The following PCDHGB3 variants were observed in gnomAD, a reference collection of about 807,000 sequenced individuals.
PCDHGB3 encodes protocadherin gamma subfamily B, 3.
PCDHGB3 carries 40 observed loss-of-function variants against 59.2 expected under a neutral mutation model. The ratio of observed to expected loss-of-function variants is 0.68; its 90% CI spans 0.52 to 0.88. The LOEUF is 0.88. Ranked by LOEUF, PCDHGB3 falls within the 40% of genes least tolerant of loss-of-function variation. The probability of loss-of-function intolerance (pLI) is 0.00; values close to 1 mark genes in which losing one functional copy is unlikely to be tolerated. For synonymous variants in PCDHGB3, 581 were observed against 503.6 expected, an observed-to-expected ratio of 1.15 and a Z score of -2.06; for missense variants, 1,309 against 1,187.9, an observed-to-expected ratio of 1.10 and a Z score of -1.50.
At chr5:141,403,949 G>C (rs1167033357) in intron 1 of PCDHGB3, 2 of 1,613,886 alleles carry the variant, frequency 1.2e-6, no homozygotes, top group Non-Finnish European at 1.7e-6. Flanking sequence ...GTGGACAAAA[G>C]TGCTCATTTC....
At chr5:141,373,705 A>G (rs1023574849) in intron 1 of PCDHGB3, among the ~76,000 whole-genome samples, 2 of 152,224 alleles carry the variant, frequency 1.3e-5, no homozygotes, top group African/African-American at 4.8e-5. Flanking sequence ...AAATTATTCA[A>G]AATAATCTCT....
rs1562063782 is a variant in PCDHGB3, at chr5:141,477,676, A to G, written c.2416-17131A>G. ...TAAATCGTGACAATGGCATAGTGTC[A>G]TCCTTAGTGCCCCTAGACTATGAGG... On this transcript the variant is annotated intron_variant, in intron 1 of 3. Coordinates refer to ENST00000576222, the MANE Select transcript of PCDHGB3 (RefSeq NM_018924.5). This position sits in a 1 kb window ranked among gnomAD's most constrained non-coding sequence, Gnocchi z 4.9. The G allele has an allele frequency of 1.2e-6, 2 of 1,614,194 alleles. No homozygotes were observed. The highest frequency in any genetic ancestry group is 1.7e-6 in the Non-Finnish European group (2 of 1,180,046).
chr5:141,409,007 C>T, intron 1 of PCDHGB3: 1 of 1,613,932 alleles, frequency 6.2e-7, no homozygotes, highest in Non-Finnish European at 8.5e-7. Context: ...AGCCACTGAC[C>T]AGGATGAGGG....
chr5:141,393,789 G>T (rs889575374), intron 1 of PCDHGB3: 1 of 1,613,958 alleles, frequency 6.2e-7, no homozygotes, highest in African/African-American at 1.3e-5. Context: ...AGATGTGGGG[G>T]CACTTCTGGG....
At position 141,372,855 on chromosome 5, in the gene PCDHGB3, A is replaced by T; in HGVS notation, c.2415+46A>T. 7 of 1,456,148 alleles carry T rather than the reference A, an allele frequency of 4.8e-6. No homozygotes were observed. The South Asian group carries it at 6.7e-5, about 14-fold the overall frequency. 90.2% of individuals were successfully genotyped at this position (1,456,148 alleles called of 1,614,324 possible). On this transcript the variant is annotated intron_variant, in intron 1 of 3. Transcript: ENST00000576222. ...CCTTCCATAAATATAATTGGGTTTC[A>T]ATTCATTGATTTAGAGATAAAAAGA...
chr5:141,403,544 C>A (rs1300060255), intron 1 of PCDHGB3: 2 of 1,613,970 alleles, frequency 1.2e-6, no homozygotes, highest in South Asian at 1.1e-5. Flanking sequence ...GGTGCTGGAG[C>A]GCGCCCTGGA....
Position 141,392,778 on chromosome 5 carries a change from G to A in PCDHGB3, c.2415+19969G>A, listed in dbSNP as rs375878103. ...ACTAAATAAGACCCATTTATGCACA[G>A]TGAAGATTCTGAGAGGATTCTGCAG... On this transcript the variant is annotated intron_variant, in intron 1 of 3. Coordinates refer to ENST00000576222, the MANE Select transcript of PCDHGB3 (RefSeq NM_018924.5). 5 of 1,533,872 alleles carry A rather than the reference G, an allele frequency of 3.3e-6. No homozygotes were observed. The African/African-American group carries it at 6.9e-5, about 21-fold the overall frequency.
Position 141,390,485 on chromosome 5 carries a change from T to G in PCDHGB3, c.2415+17676T>G, listed in dbSNP as rs919971230. On this transcript the variant is annotated intron_variant, in intron 1 of 3. Transcript: ENST00000576222. The stretch of plus-strand genomic sequence containing the variant: ...GCAATTGTGTGGCCCAACATTTGTT[T>G]GTTTTTTAGCCAAGCTTAGATTTAT... The G allele has an allele frequency of 1.4e-5, 9 of 656,166 alleles. No homozygotes were observed. The African/African-American group carries it at 1.5e-4, about 11-fold the overall frequency. The allele number at this position is 656,166 out of a possible 1,614,324, so 40.6% of individuals were successfully genotyped here.
chr5:141,418,890 G>C (rs1449142412), intron 1 of PCDHGB3: 1 of 1,613,934 alleles, frequency 6.2e-7, no homozygotes, highest in South Asian at 1.1e-5. Context: ...AACGACAACA[G>C]CCCAGAAATA....
chr5:141,428,043 A>C (rs765740380), intron 1 of PCDHGB3: 1 of 1,608,722 alleles, frequency 6.2e-7, no homozygotes, highest in South Asian at 1.1e-5. Context: ...CTACCTGGTG[A>C]CCAAGGTGGT....
Position 141,409,702 on chromosome 5 carries a change from G to A in PCDHGB3, c.2415+36893G>A, listed in dbSNP as rs545411022. The A allele has an allele frequency of 2.0e-5, 32 of 1,613,226 alleles. No homozygotes were observed. In the South Asian group the frequency reaches 3.0e-4, roughly 15 times the overall value. On this transcript the variant is annotated intron_variant, in intron 1 of 3. Transcript: ENST00000576222. ...TGGCGAGTGACCTAGAGCCCCTGGC[G>A]GTGTCGTCATACGTGTCAGTGAGCG...
intron 1 of PCDHGB3, chr5:141,389,189 C>CATCA: frequency 6.2e-7 from 1 of 1,614,032 alleles, no homozygotes; most frequent in Non-Finnish European, 8.5e-7. Context: ...CCAGTTCCAG[C>CATCA]ATCACCCTGC....
At chr5:141,413,870 T>A (rs2095687151) in intron 1 of PCDHGB3, 1 of 1,613,268 alleles carries the variant, frequency 6.2e-7, no homozygotes, top group Admixed American at 1.7e-5. Context: ...ACTGTCCTTG[T>A]CAGTGTGACT....
chr5:141,493,289 C>T lies in PCDHGB3; in HGVS notation c.2416-1518C>T, dbSNP rs925045650. 2.6e-5 allele frequency among the ~76,000 whole-genome samples: 4 copies of T among 152,176 alleles called. No individual in the cohort carries two copies. Among genetic ancestry groups the T allele is most frequent in the Non-Finnish European group, 5.9e-5 (4 of 68,030 alleles). On this transcript the variant is annotated intron_variant, in intron 1 of 3. Coordinates refer to ENST00000576222, the MANE Select transcript of PCDHGB3 (RefSeq NM_018924.5). The surrounding 1 kb of genome is among the most constrained non-coding windows in gnomAD (Gnocchi z 4.3). ...CTTCACAGAGGTCAAGTGACTTGCT[C>T]AAGTTCACAGAGCAAGTAAGAGAGA...
In PCDHGB3 at chr5:141,385,336, C is replaced by T. The variant is rs866774654; in HGVS notation, c.2415+12527C>T. 2.5e-6 allele frequency: 4 copies of T among 1,579,494 alleles called. No homozygotes were observed. In the African/African-American group the frequency reaches 5.4e-5, roughly 22 times the overall value. ...GCCAAGTATTCAGGTGAGCCCAGCC[C>T]TTCCTTTATTTCCATGAGGAATTTA... On this transcript the variant is annotated intron_variant, in intron 1 of 3. Coordinates refer to ENST00000576222, the MANE Select transcript of PCDHGB3 (RefSeq NM_018924.5).
At chr5:141,417,892 C>T (rs550343206) in intron 1 of PCDHGB3, 13 of 1,570,660 alleles carry the variant, frequency 8.3e-6, no homozygotes, top group African/African-American at 5.4e-5. Flanking sequence ...GGCGCCGGGC[C>T]GGCCCGCGGC....
chr5:141,382,777 C>G, intron 1 of PCDHGB3: 1 of 822,390 alleles, frequency 1.2e-6, no homozygotes. Flanking sequence ...CTGCACTAAA[C>G]TCAAGCCTCT....
chr5:141,383,226 G>A (rs771882574), intron 1 of PCDHGB3: 1 of 1,613,936 alleles, frequency 6.2e-7, no homozygotes, highest in Non-Finnish European at 8.5e-7. Flanking sequence ...TTAACATCCT[G>A]ATGGAAGATA....
chr5:141,430,622 A>T, intron 1 of PCDHGB3: 1 of 752,270 alleles, frequency 1.3e-6, no homozygotes, highest in Admixed American at 2.9e-5. Context: ...GATAGCTAGG[A>T]ATGAACCATC....
Sources: gnomAD v4.1 joint callset for allele counts (sites outside exome capture counted in the v4.1 genomes callset) on GRCh38, gnomAD v4.1.1 for gene constraint, Gnocchi (gnomAD v3.1) non-coding constraint, MANE v1.5 for transcripts, NCBI Gene and HGNC (gene_info 2026-07-23, HGNC 2026-07-21) for gene names.